Variants in KCNH7 observed in about 807,000 individuals in gnomAD.
KCNH7 encodes the protein voltage-gated inwardly rectifying potassium channel KCNH7.
A neutral mutation model predicts 120.8 loss-of-function variants in KCNH7; 49 were observed. That is an observed-to-expected ratio of 0.41 (90% CI 0.32 to 0.51). The LOEUF is 0.51. Ranked by LOEUF, KCNH7 falls within the 20% of genes least tolerant of loss-of-function variation. The pLI, the probability that KCNH7 is intolerant of heterozygous loss-of-function variation, is 0.38. For synonymous variants in KCNH7, 547 were observed against 516.1 expected (o/e 1.06, Z -0.81); for missense variants, 1,097 against 1,446.6 (o/e 0.76, Z 3.92).
At chr2:162,480,605 G>T (rs1481496768) in intron 6 of KCNH7, among the ~76,000 whole-genome samples, 2 of 152,110 alleles carry the variant, frequency 1.3e-5, no homozygotes, top group Non-Finnish European at 2.9e-5. Context: ...CTTTTTACAT[G>T]AGATACTCTC....
chr2:162,696,535 A>G (rs988977799), intron 2 of KCNH7, among the ~76,000 whole-genome samples: 1 of 152,192 alleles, frequency 6.6e-6, no homozygotes, highest in African/African-American at 2.4e-5. Flanking sequence ...TTACAGATGT[A>G]GTTCCTAATG....
chr2:162,744,487 C>T (rs1340982649), intron 2 of KCNH7, among the ~76,000 whole-genome samples: 1 of 151,956 alleles, frequency 6.6e-6, no homozygotes, highest in African/African-American at 2.4e-5. Context: ...ACAGTTCCAC[C>T]TAGTTCTCAA....
chr2:162,647,267 GT>G (rs1184121073), intron 2 of KCNH7, among the ~76,000 whole-genome samples: 5 of 152,078 alleles, frequency 3.3e-5, no homozygotes, highest in Non-Finnish European at 5.9e-5. Context: ...GCTCTGACGT[GT>G]TTTTTTGTGT....
chr2:162,775,606 G>GA (rs1274385740), intron 2 of KCNH7, among the ~76,000 whole-genome samples: 2 of 152,012 alleles, frequency 1.3e-5, no homozygotes, highest in Non-Finnish European at 1.5e-5. Flanking sequence ...CAAAGAAAAG[G>GA]AAAAAAACTA....
At chr2:162,784,913 G>T (rs958696914) in intron 2 of KCNH7, 2 of 152,182 alleles carry the variant, frequency 1.3e-5, no homozygotes, top group Non-Finnish European at 2.9e-5. Flanking sequence ...TAATATTTTA[G>T]AAACATTTAA....
chr2:162,418,289 G>A (rs1687597904), intron 9 of KCNH7, among the ~76,000 whole-genome samples: 1 of 152,038 alleles, frequency 6.6e-6, no homozygotes, highest in African/African-American at 2.4e-5. Context: ...AATGCATGGA[G>A]GATTATCTGG....
intron 2 of KCNH7, among the ~76,000 whole-genome samples, chr2:162,665,139 T>C (rs1685091387): frequency 6.6e-6 from 1 of 152,200 alleles, no homozygotes; most frequent in Non-Finnish European, 1.5e-5. Flanking sequence ...AATTTTGATA[T>C]GTATTCTGAA....
At chr2:162,581,639 C>A (rs546662833) in intron 2 of KCNH7, among the ~76,000 whole-genome samples, 1 of 151,970 alleles carries the variant, frequency 6.6e-6, no homozygotes, top group East Asian at 1.9e-4. Context: ...GATTTTCTTA[C>A]CCAAGATGCA....
At chr2:162,480,801 T>G (rs1340895063) in intron 6 of KCNH7, among the ~76,000 whole-genome samples, 1 of 152,210 alleles carries the variant, frequency 6.6e-6, no homozygotes, top group Non-Finnish European at 1.5e-5. Flanking sequence ...GAGAATGGTC[T>G]AGCTTATATA....
chr2:162,457,103 C>G (rs564342206), intron 6 of KCNH7, among the ~76,000 whole-genome samples: 3 of 152,164 alleles, frequency 2.0e-5, no homozygotes, highest in Non-Finnish European at 4.4e-5. Context: ...TTAATCAAGA[C>G]AGTGCTTTGG....
intron 2 of KCNH7, among the ~76,000 whole-genome samples, chr2:162,817,982 C>T (rs1377624832): frequency 6.6e-6 from 1 of 151,854 alleles, no homozygotes; most frequent in Admixed American, 6.6e-5. Flanking sequence ...ATTTCTTTGT[C>T]AAATAAATGT....
chr2:162,430,400 T>C (rs1212042899), intron 8 of KCNH7, among the ~76,000 whole-genome samples: 4 of 152,050 alleles, frequency 2.6e-5, no homozygotes, highest in Non-Finnish European at 5.9e-5. Context: ...GAGCTTTTCT[T>C]TTCCATAACT....
intron 2 of KCNH7, among the ~76,000 whole-genome samples, chr2:162,734,027 A>G (rs1291600813): frequency 2.0e-5 from 3 of 152,170 alleles, no homozygotes; most frequent in Admixed American, 1.3e-4. Context: ...TCAGAAATTT[A>G]AATAACTGGC....
intron 2 of KCNH7, among the ~76,000 whole-genome samples, chr2:162,686,706 G>T (rs1042016146): frequency 6.6e-6 from 1 of 152,056 alleles, no homozygotes; most frequent in Non-Finnish European, 1.5e-5. Flanking sequence ...CTGTAATTGT[G>T]TATATTCTTC....
At chr2:162,833,728 G>A (rs2105623142) in intron 2 of KCNH7, among the ~76,000 whole-genome samples, 1 of 152,212 alleles carries the variant, frequency 6.6e-6, no homozygotes, top group South Asian at 2.1e-4. Context: ...AGTTCACCAT[G>A]AACTGCATCA....
At chr2:162,463,746 A>G (rs918538738) in intron 6 of KCNH7, among the ~76,000 whole-genome samples, 23 of 151,654 alleles carry the variant, frequency 1.5e-4, no homozygotes, top group African/African-American at 2.4e-4. Flanking sequence ...TATTGTAGGC[A>G]TATTGATTAC....
intron 2 of KCNH7, among the ~76,000 whole-genome samples, chr2:162,746,873 GA>G (rs1195556164): frequency 6.6e-6 from 1 of 151,932 alleles, no homozygotes; most frequent in East Asian, 1.9e-4. Flanking sequence ...AATAAAAGAG[GA>G]AAAAAACCAG....
At chr2:162,558,504 T>C (rs560417242) in intron 2 of KCNH7, among the ~76,000 whole-genome samples, 2,266 of 70,530 alleles carry the variant, frequency 0.032, 37 homozygotes, top group Admixed American at 0.053. Flanking sequence ...TCTCAATGGC[T>C]TTTTTTTTTT....
chr2:162,606,605 C>T (rs188925661), intron 2 of KCNH7, among the ~76,000 whole-genome samples: 1 of 151,986 alleles, frequency 6.6e-6, no homozygotes, highest in Non-Finnish European at 1.5e-5. Flanking sequence ...ATGTGAAAAT[C>T]CTTCCACCTC....
Sources: allele counts gnomAD v4.1 joint callset (sites outside exome capture counted in the v4.1 genomes callset), GRCh38; gene constraint gnomAD v4.1.1; transcripts MANE v1.5; gene names NCBI Gene and HGNC (gene_info 2026-07-23, HGNC 2026-07-21).